Variants in AHDC1 observed in about 807,000 individuals in gnomAD.
AHDC1 encodes the protein transcription factor Gibbin.
In AHDC1, 7 loss-of-function variants were observed where a neutral mutation model predicts 87.9. The ratio of observed to expected loss-of-function variants is 0.08; its 90% CI spans 0.05 to 0.15. The LOEUF (loss-of-function observed/expected upper bound fraction) is 0.15. Among genes scored for constraint, AHDC1 ranks in the 10% least tolerant of loss-of-function variants. The pLI, the probability that AHDC1 is intolerant of heterozygous loss-of-function variation, is 1.00. For synonymous variants in AHDC1, 1,051 were observed against 1,006.8 expected, an observed-to-expected ratio of 1.04 and a Z score of -0.83; for missense variants, 1,841 against 2,253.2, an observed-to-expected ratio of 0.82 and a Z score of 3.70.
intron 3 of AHDC1, among the ~76,000 whole-genome samples, chr1:27,596,094 AT>A (rs1396600263): frequency 1.3e-5 from 2 of 151,956 alleles, no homozygotes; most frequent in East Asian, 3.9e-4. Flanking sequence ...CTCTGGGAGA[AT>A]GAAGGGCAGC....
intron 3 of AHDC1, among the ~76,000 whole-genome samples, chr1:27,570,062 A>G (rs900963300): frequency 6.6e-6 from 1 of 151,876 alleles, no homozygotes; most frequent in African/African-American, 2.4e-5. Flanking sequence ...AACCCTCTGC[A>G]TTCCTCATCT....
Position 27,549,853 on chromosome 1 carries a change from C to T in AHDC1, c.2263G>A (p.Val755Met). 1 of 1,613,248 alleles carries T rather than the reference C, an allele frequency of 6.2e-7. No homozygotes were observed. The highest frequency in any genetic ancestry group is 8.5e-7 in the Non-Finnish European group (1 of 1,179,482). Reference protein sequence around the residue: ...RKNGTLFPEQVPSGPGFGEAG... With the variant: ...RKNGTLFPEQMPSGPGFGEAG... ...TCCCCAAAGCCTGGGCCACTGGGCA[C>T]CTGCTCTGGGAACAGAGTCCCATTC... The change falls in exon 8 of 9, where the codon GTG (valine) becomes ATG (methionine). Residue 755 changes from valine (V) to methionine (M), a missense_variant. By Grantham distance (21) the Val-to-Met change is conservative. Around this residue, in one of 13 missense-constraint regions of AHDC1, gnomAD observed 236 missense variants for 257.9 expected, o/e 0.92. Transcript: ENST00000673934.
chr1:27,552,104 C>A lies in AHDC1; in HGVS notation c.12G>T (p.Lys4Asn). Residue 4 changes from lysine (K) to asparagine (N), a missense_variant, in exon 8 of 9, where the codon AAG becomes AAT. Around this residue, in one of 13 missense-constraint regions of AHDC1, gnomAD observed 142 missense variants for 165.6 expected, o/e 0.86. Coordinates refer to ENST00000673934, the MANE Select transcript of AHDC1 (RefSeq NM_001371928.1). ...TGGAAGTCACCACCAGGCCCTGGGG[C>A]TTCACACGCATCCTGACCTTGTCCT... MRV[K>N]PQGLVVTSSA... 1 of 1,464,488 alleles carries A rather than the reference C, an allele frequency of 6.8e-7. No individual in the cohort carries two copies. 90.7% of individuals were successfully genotyped at this position (1,464,488 alleles called of 1,614,324 possible). A position where few individuals can be genotyped will look rare whatever the true frequency, so the allele number is the denominator to read the frequency against.
rs1451981533 is a variant in AHDC1 at position 27,541,024 on chromosome 1, A to AC, written c.*44-6109_*44-6108insG. Among the ~76,000 whole-genome samples the AC allele has an allele frequency of 7.1e-3, 989 of 138,470 alleles. 12 individuals carry two copies. The highest frequency in any genetic ancestry group is 0.014 in the African/African-American group (491 of 36,070). 90.8% of individuals were successfully genotyped at this position (138,470 alleles called of 152,430 possible). On this transcript the variant is annotated intron_variant, in intron 8 of 8. Coordinates refer to ENST00000673934, the MANE Select transcript of AHDC1 (RefSeq NM_001371928.1). Reference sequence around the variant, plus strand: ...GCTAAAAAAAAAAAAAAAAAAAAAAAAACAACAACAAAACCCAAGCACTTT... The same window carrying AC: ...GCTAAAAAAAAAAAAAAAAAAAAAAACAACAACAACAAAACCCAAGCACTTT...
chr1:27,574,406 GCTAA>G lies in AHDC1; in HGVS notation c.-628-15527_-628-15524del, dbSNP rs972790683. Among the ~76,000 whole-genome samples the G allele has an allele frequency of 9.9e-5, 15 of 152,276 alleles. 1 individual carries two copies. The highest frequency in any genetic ancestry group is 4.6e-4 in the Admixed American group (7 of 15,302). On this transcript the variant is annotated intron_variant, in intron 3 of 8. Transcript: ENST00000673934. Reference sequence around the variant, plus strand: ...CACCCTTACTATGTGCAGATGCTATGCTAACTGATTGAAATGTTGTGTAACTTTG... The same window carrying G: ...CACCCTTACTATGTGCAGATGCTATGCTGATTGAAATGTTGTGTAACTTTG...
At chr1:27,601,256 G>C (rs908110978) in intron 3 of AHDC1, among the ~76,000 whole-genome samples, 14 of 152,350 alleles carry the variant, frequency 9.2e-5, no homozygotes, top group African/African-American at 3.1e-4. Flanking sequence ...CGTGGGCTGG[G>C]AGCCCAGGCG....
chr1:27,535,728 T>G (rs1044279507), intron 8 of AHDC1, among the ~76,000 whole-genome samples: 1 of 151,950 alleles, frequency 6.6e-6, no homozygotes, highest in Non-Finnish European at 1.5e-5. Flanking sequence ...GCTCAGACAC[T>G]CCCAAGTTCC....
intron 3 of AHDC1, among the ~76,000 whole-genome samples, chr1:27,597,040 G>A (rs1395252975): frequency 6.6e-6 from 1 of 152,166 alleles, no homozygotes; most frequent in African/African-American, 2.4e-5. Context: ...CAAGCCACTG[G>A]GCATTTCTCT....
intron 3 of AHDC1, among the ~76,000 whole-genome samples, chr1:27,588,829 G>A (rs987625691): frequency 5.9e-5 from 9 of 152,190 alleles, no homozygotes; most frequent in African/African-American, 2.2e-4. Context: ...ATGGGTGTGT[G>A]TGAGGAAGGC....
Position 27,550,888 on chromosome 1 carries a change from C to T in AHDC1, c.1228G>A (p.Glu410Lys), listed in dbSNP as rs761143012. Residue 410 changes from glutamate to lysine, a missense_variant, in exon 8 of 9, where the codon GAG (glutamate) becomes AAG (lysine). Coordinates refer to ENST00000673934, the MANE Select transcript of AHDC1 (RefSeq NM_001371928.1). ...GRGRKADAGPEGRLLPLPMPT... is the reference protein window; with the variant it reads ...GRGRKADAGPKGRLLPLPMPT... ...ATAGGCAGGGGCAGTAGGCGGCCCT[C>T]GGGTCCGGCGTCTGCCTTGCGTCCC... The T allele has an allele frequency of 4.4e-6, 7 of 1,586,908 alleles. No individual in the cohort carries two copies. The highest frequency in any genetic ancestry group is 2.7e-5 in the African/African-American group (2 of 74,510).
At chr1:27,597,486 A>G (rs1417005167) in intron 3 of AHDC1, among the ~76,000 whole-genome samples, 2 of 152,096 alleles carry the variant, frequency 1.3e-5, no homozygotes, top group African/African-American at 4.8e-5. Context: ...GTTTCCCAAG[A>G]CAAGAGAGGT....
At chr1:27,540,199 G>A (rs183021283) in intron 8 of AHDC1, among the ~76,000 whole-genome samples, 46 of 152,224 alleles carry the variant, frequency 3.0e-4, no homozygotes, top group Admixed American at 2.6e-3. Context: ...TTTGTAAACT[G>A]GATGGATTGT....
Position 27,590,061 on chromosome 1 carries a change from G to A in AHDC1, c.-629+13336C>T, listed in dbSNP as rs763459697. On this transcript the variant is annotated intron_variant, in intron 3 of 8. Coordinates refer to ENST00000673934, the MANE Select transcript of AHDC1 (RefSeq NM_001371928.1). The surrounding 1 kb of genome is among the most constrained non-coding windows in gnomAD (Gnocchi z 5.4). ...CCTGCCCCACCCACTGCTGAGGAGA[G>A]CCCTGCCCTGAGATGAGAGCTGGGG... is the stretch of plus-strand genomic sequence containing the variant. Among the ~76,000 whole-genome samples the A allele has an allele frequency of 2.6e-5, 4 of 152,202 alleles. No homozygotes were observed. The highest frequency in any genetic ancestry group is 5.9e-5 in the Non-Finnish European group (4 of 68,002).
chr1:27,587,993 G>A (rs1251215600), intron 3 of AHDC1, among the ~76,000 whole-genome samples: 1 of 152,040 alleles, frequency 6.6e-6, no homozygotes, highest in African/African-American at 2.4e-5. Context: ...CCTGCCTCCA[G>A]TCTCTCCCTC....
chr1:27,584,982 G>A (rs1031642309), intron 3 of AHDC1, among the ~76,000 whole-genome samples: 1 of 152,050 alleles, frequency 6.6e-6, no homozygotes, highest in Non-Finnish European at 1.5e-5. Flanking sequence ...AGACCAGCCC[G>A]GCCAACATGG....
At chr1:27,599,276 C>T (rs1261305174) in intron 3 of AHDC1, among the ~76,000 whole-genome samples, 3 of 152,070 alleles carry the variant, frequency 2.0e-5, no homozygotes, top group African/African-American at 7.2e-5. Flanking sequence ...CCCTTCTGAG[C>T]AGCCCTCCCT....
chr1:27,592,872 C>T (rs1010988329), intron 3 of AHDC1, among the ~76,000 whole-genome samples: 5 of 151,376 alleles, frequency 3.3e-5, no homozygotes, highest in Non-Finnish European at 5.9e-5. Context: ...CTACCTCGGG[C>T]CCAGCTCAGA....
In AHDC1 at chr1:27,565,328, G is replaced by A. The variant is rs2020271358; in HGVS notation, c.-628-6445C>T. Among the ~76,000 whole-genome samples the A allele has an allele frequency of 6.6e-6, 1 of 152,112 alleles. No individual in the cohort carries two copies. The highest frequency in any genetic ancestry group is 2.4e-5 in the African/African-American group (1 of 41,420). Reference sequence around the variant, plus strand: ...CTGACCAGGCCTCACCACACCCAGAGGTGAGGCCTGACTCCCCTACCCCAG... The same window carrying A: ...CTGACCAGGCCTCACCACACCCAGAAGTGAGGCCTGACTCCCCTACCCCAG... On this transcript the variant is annotated intron_variant, in intron 3 of 8. Coordinates refer to ENST00000673934, the MANE Select transcript of AHDC1 (RefSeq NM_001371928.1). The surrounding 1 kb of genome is among the most constrained non-coding windows in gnomAD (Gnocchi z 4.6).
chr1:27,538,308 C>A (rs955952839), intron 8 of AHDC1, among the ~76,000 whole-genome samples: 5 of 148,472 alleles, frequency 3.4e-5, no homozygotes, highest in African/African-American at 1.0e-4. Context: ...GAGGCCGAGG[C>A]ATGAGAATTG....
Sources: gnomAD v4.1 joint callset for allele counts (sites outside exome capture counted in the v4.1 genomes callset) on GRCh38, gnomAD v4.1.1 for gene constraint, gnomAD v4.1.1 regional missense constraint, Gnocchi (gnomAD v3.1) non-coding constraint, MANE v1.5 for transcripts, NCBI Gene and HGNC (gene_info 2026-07-23, HGNC 2026-07-21) for gene names.